Variants in PYM1 observed in about 807,000 individuals in gnomAD.
PYM1 encodes partner of Y14 and mago.
Under a neutral mutation model 20.7 loss-of-function variants are expected in PYM1, and 7 were observed. The ratio of observed to expected loss-of-function variants is 0.34; its 90% CI spans 0.19 to 0.64. The LOEUF is 0.64. Among genes scored for constraint, PYM1 ranks in the 30% least tolerant of loss-of-function variants. The pLI, the probability that PYM1 is intolerant of heterozygous loss-of-function variation, is 0.74. For synonymous variants in PYM1, 100 were observed against 99.2 expected, an observed-to-expected ratio of 1.01 and a Z score of -0.05; for missense variants, 194 against 250.0, an observed-to-expected ratio of 0.78 and a Z score of 1.51.
In PYM1 at chr12:55,927,888, C is replaced by A. The variant is rs1883226574; in HGVS notation, c.-127G>T. On this transcript the variant is annotated 5_prime_UTR_variant, in exon 1 of 3. Transcript: ENST00000408946. The stretch of plus-strand genomic sequence containing the variant: ...TTGCTTCTCGCCCAGACCTCCTAAC[C>A]CTGAGTGCCTCCTCGGGCTGGGCCC... 8.0e-7 allele frequency: 1 copy of A among 1,248,854 alleles called. No individual in the cohort carries two copies. Among genetic ancestry groups the A allele is most frequent in the South Asian group, 1.5e-5 (1 of 67,994 alleles). 77.4% of individuals were successfully genotyped at this position (1,248,854 alleles called of 1,614,324 possible).
chr12:55,913,026 A>C (rs1882951708), intron 1 of PYM1, among the ~76,000 whole-genome samples: 1 of 151,962 alleles, frequency 6.6e-6, no homozygotes, highest in Non-Finnish European at 1.5e-5. Flanking sequence ...CCATGTCTCT[A>C]TTCTCTGTAC....
intron 1 of PYM1, among the ~76,000 whole-genome samples, chr12:55,922,095 G>A (rs1311354456): frequency 1.3e-5 from 2 of 151,796 alleles, no homozygotes; most frequent in African/African-American, 2.4e-5. Flanking sequence ...GCTTAGGATG[G>A]CCTCAAGCAA....
At chr12:55,913,184 T>C (rs1882954391) in intron 1 of PYM1, among the ~76,000 whole-genome samples, 1 of 152,196 alleles carries the variant, frequency 6.6e-6, no homozygotes, top group Non-Finnish European at 1.5e-5. Context: ...AAACTTGCTT[T>C]CTGTGCACTC....
intron 2 of PYM1, among the ~76,000 whole-genome samples, chr12:55,902,785 G>C (rs2136255862): frequency 6.7e-6 from 1 of 149,380 alleles, no homozygotes; most frequent in Middle Eastern, 3.8e-3. Flanking sequence ...GTTTGTTTTT[G>C]AGACAGAGTC....
chr12:55,903,619 C>T (rs1882733266), intron 1 of PYM1, 139 bp from the exon 2 acceptor site: 3 of 710,530 alleles, frequency 4.2e-6, no homozygotes, highest in Non-Finnish European at 7.1e-6. Context: ...TTTCTCATAC[C>T]AACACTCAAT....
chr12:55,907,506 C>T (rs959082583), intron 1 of PYM1, among the ~76,000 whole-genome samples: 3 of 149,926 alleles, frequency 2.0e-5, no homozygotes, highest in Non-Finnish European at 4.4e-5. Flanking sequence ...CGGCGGCATG[C>T]GCTTGTAATC....
Sources: gnomAD v4.1 joint callset for allele counts (sites outside exome capture counted in the v4.1 genomes callset) on GRCh38, gnomAD v4.1.1 for gene constraint, MANE v1.5 for transcripts, NCBI Gene and HGNC (gene_info 2026-07-23, HGNC 2026-07-21) for gene names.